The following TBC1D4 variants were observed in gnomAD, a reference collection of about 807,000 sequenced individuals.
TBC1D4 encodes TBC1 domain family member 4.
A neutral mutation model predicts 142.5 loss-of-function variants in TBC1D4; 121 were observed. The ratio of observed to expected loss-of-function variants is 0.85; its 90% confidence interval spans 0.73 to 0.99. TBC1D4 has a LOEUF of 0.99. Ranked by LOEUF, TBC1D4 falls within the 50% of genes least tolerant of loss-of-function variation. TBC1D4 has a pLI of 0.00. For synonymous variants in TBC1D4, 630 were observed against 628.2 expected (o/e 1.00, Z -0.04); for missense variants, 1,475 against 1,606.6 (o/e 0.92, Z 1.40).
At chr13:75,357,823 G>A (rs1882170277) in intron 3 of TBC1D4, among the ~76,000 whole-genome samples, 1 of 152,112 alleles carries the variant, frequency 6.6e-6, no homozygotes, top group Non-Finnish European at 1.5e-5. Flanking sequence ...TGGCTAACCT[G>A]ACAATTACCT....
chr13:75,459,130 C>T (rs1887863661), intron 1 of TBC1D4, among the ~76,000 whole-genome samples: 1 of 152,184 alleles, frequency 6.6e-6, no homozygotes, highest in Admixed American at 6.5e-5. Flanking sequence ...ACACGCTGAT[C>T]CGCTCCAGTC....
At chr13:75,346,620 G>A (rs1387186908) in intron 5 of TBC1D4, among the ~76,000 whole-genome samples, 1 of 152,210 alleles carries the variant, frequency 6.6e-6, no homozygotes. Context: ...GTGTGCATGT[G>A]TCTTTAGAAC....
chr13:75,368,979 G>A (rs918418549), intron 1 of TBC1D4, among the ~76,000 whole-genome samples: 1 of 152,158 alleles, frequency 6.6e-6, no homozygotes, highest in African/African-American at 2.4e-5. Flanking sequence ...GGGAGGCAGA[G>A]GTTGCAGTGA....
intron 1 of TBC1D4, among the ~76,000 whole-genome samples, chr13:75,423,252 A>T (rs535885670): frequency 4.6e-4 from 70 of 150,588 alleles, no homozygotes; most frequent in Non-Finnish European, 9.5e-4. Context: ...TATGTATGTA[A>T]GTGTTTTTTT....
intron 8 of TBC1D4, among the ~76,000 whole-genome samples, chr13:75,335,170 C>T (rs941895940): frequency 2.0e-5 from 3 of 152,156 alleles, no homozygotes; most frequent in Non-Finnish European, 4.4e-5. Flanking sequence ...CTGCCTCCTA[C>T]AACCTCCCAA....
At position 75,361,996 on chromosome 13, in the gene TBC1D4, C is replaced by G. The variant is rs774014975; in HGVS notation, c.1080+30G>C. ...TACTTCCATCTGGCACCTTTTGGGGCAAGGGCAGACAGCGTCCGATCAGGT... is the reference window on the plus strand; with the variant it reads ...TACTTCCATCTGGCACCTTTTGGGGGAAGGGCAGACAGCGTCCGATCAGGT... On this transcript the variant is annotated intron_variant, in intron 2 of 20. Coordinates refer to ENST00000377636, the MANE Select transcript of TBC1D4 (RefSeq NM_014832.5). The G allele has an allele frequency of 1.1e-5, 17 of 1,613,444 alleles. No homozygotes were observed. The African/African-American group carries it at 2.3e-4, about 22-fold the overall frequency.
chr13:75,384,879 A>T (rs1204830094), intron 1 of TBC1D4, among the ~76,000 whole-genome samples: 6 of 5,934 alleles, frequency 1.0e-3, no homozygotes, highest in East Asian at 0.016. Context: ...ATTCTTAAAA[A>T]TTTTTAAATT....
At chr13:75,324,905 T>C (rs1322358119) in intron 10 of TBC1D4, among the ~76,000 whole-genome samples, 1 of 152,102 alleles carries the variant, frequency 6.6e-6, no homozygotes, top group Non-Finnish European at 1.5e-5. Flanking sequence ...TCCGTGTTCT[T>C]TCCTGAGGAC....
chr13:75,432,404 A>C (rs1376559768), intron 1 of TBC1D4, among the ~76,000 whole-genome samples: 1 of 152,208 alleles, frequency 6.6e-6, no homozygotes, highest in African/African-American at 2.4e-5. Flanking sequence ...TTCTAAGCAG[A>C]CAAAACAACG....
chr13:75,381,061 C>T (rs1302836095), intron 1 of TBC1D4, among the ~76,000 whole-genome samples: 1 of 152,138 alleles, frequency 6.6e-6, no homozygotes, highest in Non-Finnish European at 1.5e-5. Flanking sequence ...ATACCTGTAA[C>T]CTATAAAAAC....
At chr13:75,434,396 C>G (rs562695520) in intron 1 of TBC1D4, among the ~76,000 whole-genome samples, 1 of 152,136 alleles carries the variant, frequency 6.6e-6, no homozygotes, top group East Asian at 1.9e-4. Flanking sequence ...CTTTAGCAAA[C>G]TAACACAGGA....
intron 1 of TBC1D4, among the ~76,000 whole-genome samples, chr13:75,468,586 A>C (rs558071280): frequency 5.9e-5 from 9 of 152,340 alleles, no homozygotes; most frequent in African/African-American, 1.9e-4. Flanking sequence ...GAAATTACGT[A>C]AGTTACTTTA....
chr13:75,442,793 GA>G (rs1887102283), intron 1 of TBC1D4, among the ~76,000 whole-genome samples: 1 of 149,434 alleles, frequency 6.7e-6, no homozygotes, highest in African/African-American at 2.4e-5. Flanking sequence ...AAAAAAAAAA[GA>G]AAGAAAGAAA....
At chr13:75,451,226 A>G (rs1365290837) in intron 1 of TBC1D4, among the ~76,000 whole-genome samples, 1 of 152,186 alleles carries the variant, frequency 6.6e-6, no homozygotes, top group African/African-American at 2.4e-5. Context: ...TGGAGTGAAT[A>G]GTACCTACTT....
chr13:75,315,286 C>A (rs1259515547), intron 12 of TBC1D4, among the ~76,000 whole-genome samples: 1 of 150,440 alleles, frequency 6.6e-6, no homozygotes, highest in African/African-American at 2.4e-5. Context: ...CCTGCCTGAG[C>A]AACAGGGCAA....
chr13:75,421,227 C>T (rs1014884904), intron 1 of TBC1D4, among the ~76,000 whole-genome samples: 1 of 152,186 alleles, frequency 6.6e-6, no homozygotes, highest in Non-Finnish European at 1.5e-5. Context: ...AGAACAGTGA[C>T]CATCGTCCTC....
At chr13:75,436,257 T>C (rs1197525996) in intron 1 of TBC1D4, among the ~76,000 whole-genome samples, 1 of 152,172 alleles carries the variant, frequency 6.6e-6, no homozygotes, top group Non-Finnish European at 1.5e-5. Context: ...ATTCAAACTT[T>C]TTTTCTTTAT....
intron 19 of TBC1D4, among the ~76,000 whole-genome samples, chr13:75,290,197 A>G (rs1419535238): frequency 1.3e-5 from 2 of 152,120 alleles, no homozygotes; most frequent in African/African-American, 4.8e-5. Context: ...TGTATATATA[A>G]GCAAAGAAAC....
At chr13:75,429,636 A>G (rs147627309) in intron 1 of TBC1D4, among the ~76,000 whole-genome samples, 211 of 152,316 alleles carry the variant, frequency 1.4e-3, no homozygotes, top group African/African-American at 4.8e-3. Context: ...AAATGATCCC[A>G]AAAATGCTTT....
Sources: allele counts gnomAD v4.1 joint callset (sites outside exome capture counted in the v4.1 genomes callset), GRCh38; gene constraint gnomAD v4.1.1; transcripts MANE v1.5; gene names NCBI Gene and HGNC (gene_info 2026-07-23, HGNC 2026-07-21).